ADGRE2: variants seen among roughly 807,000 people sequenced by gnomAD.
The protein encoded by ADGRE2 is CD97 antigen.
A neutral mutation model predicts 100.8 loss-of-function variants in ADGRE2; 83 were observed. That is an observed-to-expected ratio of 0.82 (90% CI 0.69 to 0.99). ADGRE2 has a LOEUF of 0.99. ADGRE2 is among the 50% of genes least tolerant of loss of function. The pLI is 0.00. For synonymous variants in ADGRE2, 355 were observed against 413.0 expected (o/e 0.86, Z 1.70); for missense variants, 814 against 1,035.7 (o/e 0.79, Z 2.94).
chr19:14,739,566 T>C (rs1035755744), intron 20 of ADGRE2, among the ~76,000 whole-genome samples: 2 of 152,190 alleles, frequency 1.3e-5, no homozygotes, highest in African/African-American at 4.8e-5. Context: ...AGGCAGGTTT[T>C]GATGATTCTA....
In ADGRE2 at chr19:14,752,282, T is replaced by G. The variant is rs1452876744; in HGVS notation, c.1788+47A>C. ...TGCCGCATCATTCCATGAGCCAGCG[T>G]GTCCTGCGTCAAGGAAGGGAGCCCT... On this transcript the variant is annotated intron_variant, in intron 15 of 20. Transcript: ENST00000315576. The G allele has an allele frequency of 2.5e-6, 4 of 1,606,416 alleles. No individual in the cohort carries two copies. The South Asian group carries it at 4.4e-5, about 18-fold the overall frequency.
chr19:14,764,536 G>GTGC lies in ADGRE2; in HGVS notation c.978_980dup (p.Gln326dup). The stretch of plus-strand genomic sequence containing the variant: ...CATCCAGCAGGTGACTGGCCACACA[G>GTGC]TGCTGCTGTAAGCGGGGCAGGGTCT... On this transcript the variant is annotated inframe_insertion, in exon 11 of 21. Coordinates refer to ENST00000315576, the MANE Select transcript of ADGRE2 (RefSeq NM_013447.4). 6.2e-7 allele frequency: 1 copy of GTGC among 1,613,066 alleles called. No homozygotes were observed. The highest frequency in any genetic ancestry group is 8.5e-7 in the Non-Finnish European group (1 of 1,179,976).
intron 20 of ADGRE2, chr19:14,741,492 T>C (rs1433889329): frequency 1.3e-5 from 2 of 148,278 alleles, no homozygotes; most frequent in African/African-American, 5.0e-5. Flanking sequence ...TTTTTTTTTT[T>C]TTGAGACAGA....
chr19:14,742,239 G>A (rs1447271915), intron 20 of ADGRE2, among the ~76,000 whole-genome samples: 1 of 152,124 alleles, frequency 6.6e-6, no homozygotes, highest in Non-Finnish European at 1.5e-5. Flanking sequence ...TTTGTTATTT[G>A]TATTATTTTC....
At chr19:14,755,630 C>G (rs967509647) in intron 13 of ADGRE2, 24 bp downstream of exon 13, 1 of 1,608,526 alleles carries the variant, frequency 6.2e-7, no homozygotes, top group Admixed American at 1.7e-5. Context: ...TATTCACCCA[C>G]CAACCAACTC....
chr19:14,746,375 CTTTTTT>C, intron 17 of ADGRE2, 52 bp from the exon 18 acceptor site: 2 of 777,268 alleles, frequency 2.6e-6, no homozygotes, highest in South Asian at 1.7e-5. Flanking sequence ...CCTGTTATCT[CTTTTTT>C]TTTTTTTTTC....
intron 11 of ADGRE2, among the ~76,000 whole-genome samples, chr19:14,759,684 A>T (rs1190578459): frequency 6.6e-6 from 1 of 151,714 alleles, no homozygotes; most frequent in Non-Finnish European, 1.5e-5. Flanking sequence ...TTTAATAGCC[A>T]GGGTTTCACC....
chr19:14,764,351 T>A, intron 11 of ADGRE2, 82 bp downstream of exon 11: 1 of 1,300,052 alleles, frequency 7.7e-7, no homozygotes, highest in Non-Finnish European at 1.1e-6. Context: ...ACAGGTGTGG[T>A]CACTTGGCTC....
intron 2 of ADGRE2, among the ~76,000 whole-genome samples, chr19:14,774,712 C>T (rs1473306514): frequency 4.8e-5 from 3 of 62,782 alleles, no homozygotes; most frequent in Non-Finnish European, 4.1e-5. Flanking sequence ...CTTGCTCTGT[C>T]GCCCAGGCTG....
Position 14,755,061 on chromosome 19 carries a change from A to G in ADGRE2, c.1483T>C (p.Trp495Arg). 2 of 1,614,064 alleles carry G rather than the reference A, an allele frequency of 1.2e-6. No individual in the cohort carries two copies. The highest frequency in any genetic ancestry group is 8.5e-7 in the Non-Finnish European group (1 of 1,179,998). Residue 495 changes from tryptophan to arginine, a missense_variant, in exon 14 of 21, where the codon TGG becomes CGG. Physicochemically the swap from Trp to Arg is moderately radical, Grantham distance 101. This residue lies in a region of ADGRE2 where 569 missense variants were observed against 692.7 expected (regional missense o/e 0.82). Coordinates refer to ENST00000315576, the MANE Select transcript of ADGRE2 (RefSeq NM_013447.4). ...ATTGTGCTGCAGCCTGTGGTGGCCC[A>G]GTGACCACATCCATTCTGGCCATGC... The part of the protein sequence containing the change: ...WEHGQNGCGH[W>R]ATTGCSTIGT...
At chr19:14,767,306 T>A (rs1458713819) in intron 5 of ADGRE2, among the ~76,000 whole-genome samples, 197 bp from the exon 6 acceptor site, 1 of 151,436 alleles carries the variant, frequency 6.6e-6, no homozygotes, top group African/African-American at 2.4e-5. Context: ...TTGCCTGATC[T>A]CAACTCACTG....
intron 4 of ADGRE2, among the ~76,000 whole-genome samples, chr19:14,773,334 CTTT>C (rs2044292639): frequency 6.9e-6 from 1 of 144,398 alleles, no homozygotes; most frequent in African/African-American, 2.5e-5. Context: ...CCCTCCTTTC[CTTT>C]TTCTTTCCCT....
At position 14,778,505 on chromosome 19, in the gene ADGRE2, C is replaced by G. The variant is rs1181913430; in HGVS notation, c.-420G>C. ...CCCTCTTCCGATGCCAGGCAGGTGC[C>G]AAGAAGAGAAGCTTCACCGCACAGA... On this transcript the variant is annotated 5_prime_UTR_variant, in exon 1 of 21. Transcript: ENST00000315576. The G allele has an allele frequency of 1.1e-6, 1 of 915,326 alleles. No homozygotes were observed. The highest frequency in any genetic ancestry group is 1.2e-4 in the East Asian group (1 of 8,524). The allele number at this position is 915,326 out of a possible 1,614,324, so 56.7% of individuals were successfully genotyped here. A position where few individuals can be genotyped will look rare whatever the true frequency, so the allele number is the denominator to read the frequency against.
chr19:14,754,891 A>G (rs2043433493), intron 14 of ADGRE2, 63 bp downstream of exon 14: 2 of 1,563,818 alleles, frequency 1.3e-6, no homozygotes, highest in Non-Finnish European at 1.7e-6. Flanking sequence ...AAAGGCTGCT[A>G]CGTCTCTGGG....
chr19:14,769,226 C>CA (rs374762968), intron 5 of ADGRE2, among the ~76,000 whole-genome samples: 10 of 142,170 alleles, frequency 7.0e-5, no homozygotes, highest in African/African-American at 2.7e-4. Context: ...ACCCCCCCCC[C>CA]ATCTTTACTA....
chr19:14,749,664 T>C (rs200565695), intron 16 of ADGRE2, among the ~76,000 whole-genome samples: 3,516 of 68,646 alleles, frequency 0.051, 5 homozygotes, highest in African/African-American at 0.12. Context: ...TTTATAGTTA[T>C]ATAATTATTT....
Position 14,743,667 on chromosome 19 carries a change from G to A in ADGRE2, c.2301C>T (p.Asn767=), listed in dbSNP as rs755235883. ...RVMAYLFTII[N]SLQGVFIFLV... ...GGAAGATGAAGACACCCTGCAGGCT[G>A]TTGATGATGGTGAAGAGGTAGGCCA... is the stretch of plus-strand genomic sequence containing the variant. The change falls in exon 19 of 21, where the codon AAC becomes AAT. Residue 767 remains asparagine, a synonymous_variant. Coordinates refer to ENST00000315576, the MANE Select transcript of ADGRE2 (RefSeq NM_013447.4). 1.2e-6 allele frequency: 2 copies of A among 1,614,206 alleles called. No homozygotes were observed. Among genetic ancestry groups the A allele is most frequent in the South Asian group, 1.1e-5 (1 of 91,090 alleles).
At chr19:14,752,654 G>T (rs2043336940) in intron 14 of ADGRE2, 128 bp from the exon 15 acceptor site, 1 of 1,164,334 alleles carries the variant, frequency 8.6e-7, no homozygotes, top group Non-Finnish European at 1.2e-6. Flanking sequence ...AATTTGTGAA[G>T]ATGTCACCAA....
At chr19:14,777,006 A>ACACT in intron 1 of ADGRE2, 79 bp from the exon 2 acceptor site, 1 of 1,365,286 alleles carries the variant, frequency 7.3e-7, no homozygotes, top group Non-Finnish European at 9.5e-7. Context: ...ACACACACAC[A>ACACT]CACACACACG....
Sources: gnomAD v4.1 joint callset for allele counts (sites outside exome capture counted in the v4.1 genomes callset) on GRCh38, gnomAD v4.1.1 for gene constraint, gnomAD v4.1.1 regional missense constraint, MANE v1.5 for transcripts, NCBI Gene and HGNC (gene_info 2026-07-23, HGNC 2026-07-21) for gene names.